The following THSD7B variants were observed in gnomAD, a reference collection of about 807,000 sequenced individuals.
THSD7B encodes thrombospondin type-1 domain-containing protein 7B.
THSD7B carries 138 observed loss-of-function variants against 213.6 expected under a neutral mutation model. That is an observed-to-expected ratio of 0.65 (90% confidence interval 0.56 to 0.74). The LOEUF (loss-of-function observed/expected upper bound fraction) is 0.74, where lower values mean the gene tolerates loss of function less well. Ranked by LOEUF, THSD7B falls within the 30% of genes least tolerant of loss-of-function variation. THSD7B has a pLI of 0.00. For missense variants in THSD7B, 1,931 were observed against 1,991.5 expected, an observed-to-expected ratio of 0.97 and a Z score of 0.58; for synonymous variants, 742 against 687.0, an observed-to-expected ratio of 1.08 and a Z score of -1.25.
intron 5 of THSD7B, among the ~76,000 whole-genome samples, chr2:137,142,822 G>T (rs1220927115): frequency 1.3e-5 from 2 of 152,004 alleles, no homozygotes; most frequent in Non-Finnish European, 2.9e-5. Context: ...TTAAGTAAGG[G>T]CGATTGTTTT....
At chr2:136,920,768 G>C (rs1350366445) in intron 2 of THSD7B, among the ~76,000 whole-genome samples, 1 of 152,184 alleles carries the variant, frequency 6.6e-6, no homozygotes, top group Non-Finnish European at 1.5e-5. Context: ...GCACCAAGCT[G>C]CCCTCAGCTC....
chr2:137,118,812 G>T (rs952437648), intron 5 of THSD7B, among the ~76,000 whole-genome samples: 1 of 152,140 alleles, frequency 6.6e-6, no homozygotes, highest in Non-Finnish European at 1.5e-5. Flanking sequence ...TAAAGAAAAA[G>T]AGGTTTAATG....
At chr2:137,631,306 G>A (rs1055573199) in intron 20 of THSD7B, among the ~76,000 whole-genome samples, 6 of 152,144 alleles carry the variant, frequency 3.9e-5, no homozygotes, top group Non-Finnish European at 7.3e-5. Context: ...CATCAGTTTA[G>A]TGGGATGTAG....
At chr2:137,333,169 A>T (rs1684553210) in intron 12 of THSD7B, among the ~76,000 whole-genome samples, 1 of 152,094 alleles carries the variant, frequency 6.6e-6, no homozygotes, top group Admixed American at 6.5e-5. Flanking sequence ...TTTAGAACTA[A>T]TCCTGGACGT....
At chr2:137,396,041 G>T (rs1686175719) in intron 12 of THSD7B, among the ~76,000 whole-genome samples, 1 of 152,006 alleles carries the variant, frequency 6.6e-6, no homozygotes, top group Non-Finnish European at 1.5e-5. Context: ...GTGTCTATTT[G>T]ATTCTTCTCT....
chr2:137,641,165 T>C (rs771131668), intron 20 of THSD7B, among the ~76,000 whole-genome samples: 18 of 152,334 alleles, frequency 1.2e-4, no homozygotes, highest in Non-Finnish European at 1.9e-4. Flanking sequence ...ACTAAAAGAC[T>C]CTGCTTTGAA....
chr2:136,973,691 C>T (rs1685438218), intron 2 of THSD7B, among the ~76,000 whole-genome samples: 1 of 152,174 alleles, frequency 6.6e-6, no homozygotes. Context: ...CCATCTGTTT[C>T]AAATTGCTAT....
At chr2:137,056,067 T>G (rs1476846577) in intron 2 of THSD7B, among the ~76,000 whole-genome samples, 1 of 152,238 alleles carries the variant, frequency 6.6e-6, no homozygotes, top group Non-Finnish European at 1.5e-5. Context: ...GTAGTAGTTA[T>G]AATGGTACCA....
At chr2:137,348,714 T>G (rs1205476542) in intron 12 of THSD7B, among the ~76,000 whole-genome samples, 2 of 150,132 alleles carry the variant, frequency 1.3e-5, no homozygotes, top group East Asian at 2.0e-4. Context: ...TTTTTTTTTT[T>G]TTTTTTTTTT....
chr2:136,940,297 A>AT (rs1414940226), intron 2 of THSD7B, among the ~76,000 whole-genome samples: 2 of 152,150 alleles, frequency 1.3e-5, no homozygotes, highest in Non-Finnish European at 2.9e-5. Flanking sequence ...TTCACTTAAG[A>AT]TAATGGCCTC....
At chr2:137,108,387 G>A (rs1263315583) in intron 4 of THSD7B, among the ~76,000 whole-genome samples, 1 of 152,076 alleles carries the variant, frequency 6.6e-6, no homozygotes, top group African/African-American at 2.4e-5. Flanking sequence ...TCTAATTTTG[G>A]CTTTGCTAAT....
intron 12 of THSD7B, among the ~76,000 whole-genome samples, chr2:137,301,747 A>G (rs996916124): frequency 6.6e-6 from 1 of 152,120 alleles, no homozygotes; most frequent in Non-Finnish European, 1.5e-5. Context: ...AAAGACCTTG[A>G]TGCATTTAAG....
chr2:136,776,289 A>G (rs1434030191), intron 1 of THSD7B, among the ~76,000 whole-genome samples: 2 of 152,204 alleles, frequency 1.3e-5, no homozygotes, highest in Non-Finnish European at 2.9e-5. Flanking sequence ...CAAAGTATTT[A>G]TATTTTCTTT....
intron 3 of THSD7B, among the ~76,000 whole-genome samples, chr2:137,061,887 T>C (rs1166946073): frequency 6.6e-6 from 1 of 151,862 alleles, no homozygotes; most frequent in East Asian, 1.9e-4. Context: ...TTGGAAAGTA[T>C]TTTCTGTGCT....
intron 1 of THSD7B, among the ~76,000 whole-genome samples, chr2:136,862,552 G>A (rs927955113): frequency 9.9e-5 from 15 of 152,234 alleles, no homozygotes; most frequent in African/African-American, 2.9e-4. Flanking sequence ...TGGGGAGCTC[G>A]CAGTCGAATG....
At chr2:137,204,432 A>C (rs1272152958) in intron 7 of THSD7B, among the ~76,000 whole-genome samples, 1 of 151,974 alleles carries the variant, frequency 6.6e-6, no homozygotes, top group African/African-American at 2.4e-5. Flanking sequence ...GTAAGCTGTG[A>C]ATTTTTCTTA....
intron 7 of THSD7B, among the ~76,000 whole-genome samples, chr2:137,218,401 A>G (rs878902057): frequency 2.0e-5 from 3 of 152,098 alleles, no homozygotes; most frequent in Non-Finnish European, 4.4e-5. Context: ...CATATATTTT[A>G]TTTATATTTA....
chr2:137,442,228 C>A (rs576440703), intron 14 of THSD7B, among the ~76,000 whole-genome samples: 1 of 152,252 alleles, frequency 6.6e-6, no homozygotes, highest in South Asian at 2.1e-4. Flanking sequence ...GCTCAACTTT[C>A]TGCAAAGTCA....
chr2:137,398,161 G>A (rs1348257437), intron 12 of THSD7B, among the ~76,000 whole-genome samples: 2 of 150,120 alleles, frequency 1.3e-5, no homozygotes, highest in Non-Finnish European at 3.0e-5. Flanking sequence ...CCTTCTCTCA[G>A]CTCGTCAAAG....
Sources: allele counts gnomAD v4.1 joint callset (sites outside exome capture counted in the v4.1 genomes callset), GRCh38; gene constraint gnomAD v4.1.1; transcripts MANE v1.5; gene names NCBI Gene and HGNC (gene_info 2026-07-23, HGNC 2026-07-21).